The following NRG1 variants were observed in gnomAD, a reference collection of about 807,000 sequenced individuals.
The protein encoded by NRG1 is neuregulin 1.
In NRG1, 18 loss-of-function variants were observed where a neutral mutation model predicts 63.8. The observed-to-expected ratio is 0.28, with a 90% CI of 0.19 to 0.42. The LOEUF is 0.42. Ranked by LOEUF, NRG1 falls within the 10% of genes least tolerant of loss-of-function variation. The probability of loss-of-function intolerance (pLI) is 1.00; values close to 1 mark genes in which losing one functional copy is unlikely to be tolerated. For missense variants in NRG1, 762 were observed against 814.7 expected (o/e 0.94, Z 0.79); for synonymous variants, 302 against 301.3 (o/e 1.00, Z -0.02).
intron 1 of NRG1, among the ~76,000 whole-genome samples, chr8:31,891,613 A>C (rs577307087): frequency 9.8e-5 from 15 of 152,306 alleles, no homozygotes; most frequent in African/African-American, 3.6e-4. Flanking sequence ...CTACCATATG[A>C]CCCAGCAATT....
At chr8:32,619,225 T>TCAAA (rs935632664) in intron 5 of NRG1, among the ~76,000 whole-genome samples, 1 of 151,784 alleles carries the variant, frequency 6.6e-6, no homozygotes, top group East Asian at 1.9e-4. Context: ...AGAAAAACAA[T>TCAAA]CAAACAAACA....
At chr8:32,310,281 T>C (rs2129475887) in intron 1 of NRG1, among the ~76,000 whole-genome samples, 1 of 152,370 alleles carries the variant, frequency 6.6e-6, no homozygotes, top group Middle Eastern at 3.4e-3. Context: ...AACAAAAGTT[T>C]GATCTGATAT....
intron 1 of NRG1, among the ~76,000 whole-genome samples, chr8:31,676,062 T>A (rs13274954): frequency 0.24 from 36,233 of 152,046 alleles, 4,492 homozygotes; most frequent in Admixed American, 0.27. Flanking sequence ...TTTCTAGGGC[T>A]TATTTCCATC....
intron 5 of NRG1, among the ~76,000 whole-genome samples, chr8:32,651,432 T>TTGTC (rs536696917): frequency 2.6e-3 from 397 of 152,316 alleles, no homozygotes; most frequent in African/African-American, 9.4e-3. Context: ...TTCATTTGTT[T>TTGTC]TGTCTGGGCT....
intron 1 of NRG1, among the ~76,000 whole-genome samples, chr8:31,933,534 A>G (rs1251225081): frequency 6.6e-6 from 1 of 152,160 alleles, no homozygotes; most frequent in Non-Finnish European, 1.5e-5. Context: ...CACTCGCCTC[A>G]GCCTTCCAAA....
intron 1 of NRG1, among the ~76,000 whole-genome samples, chr8:32,514,270 T>G (rs1348116198): frequency 6.6e-6 from 1 of 152,128 alleles, no homozygotes; most frequent in Non-Finnish European, 1.5e-5. Context: ...TTACATTTGG[T>G]TTCTGCTATT....
At chr8:32,150,666 G>A (rs1462483303) in intron 1 of NRG1, among the ~76,000 whole-genome samples, 2 of 152,104 alleles carry the variant, frequency 1.3e-5, no homozygotes, top group African/African-American at 4.8e-5. Flanking sequence ...AGTCTAAGAA[G>A]TTTTGTTATA....
chr8:32,662,449 C>T (rs1803110645), intron 5 of NRG1, among the ~76,000 whole-genome samples: 1 of 152,090 alleles, frequency 6.6e-6, no homozygotes, highest in African/African-American at 2.4e-5. Flanking sequence ...AGAATGATGG[C>T]TTTTCCACCG....
At chr8:32,316,750 A>G (rs1857441431) in intron 1 of NRG1, among the ~76,000 whole-genome samples, 1 of 152,158 alleles carries the variant, frequency 6.6e-6, no homozygotes, top group Non-Finnish European at 1.5e-5. Flanking sequence ...TGCAATTAAC[A>G]GATCTCCTCT....
rs555824251 is a variant in NRG1, at chr8:32,152,613, C to A, written c.38-443215C>A. Among the ~76,000 whole-genome samples the A allele has an allele frequency of 2.0e-5, 3 of 152,184 alleles. No homozygotes were observed. The East Asian group carries it at 5.8e-4, about 29-fold the overall frequency. On this transcript the variant is annotated intron_variant, in intron 1 of 10. Transcript: ENST00000519301. ...TACTAAACTATTTCCATTAATATAGCCAGTCTCCAATTTACAGGAAGACAT... is the reference window on the plus strand; with the variant it reads ...TACTAAACTATTTCCATTAATATAGACAGTCTCCAATTTACAGGAAGACAT...
intron 1 of NRG1, among the ~76,000 whole-genome samples, chr8:32,367,311 T>C (rs1397321445): frequency 6.6e-6 from 1 of 152,208 alleles, no homozygotes; most frequent in Non-Finnish European, 1.5e-5. Flanking sequence ...ATTTATTACT[T>C]TCTGTCTTTT....
chr8:32,605,092 G>T (rs961457401), intron 2 of NRG1, among the ~76,000 whole-genome samples: 3 of 152,138 alleles, frequency 2.0e-5, no homozygotes, highest in African/African-American at 7.2e-5. Flanking sequence ...CTACTGAGAA[G>T]AAGAGTGCAC....
intron 1 of NRG1, among the ~76,000 whole-genome samples, chr8:32,403,951 C>T (rs1813584289): frequency 6.6e-6 from 1 of 152,148 alleles, no homozygotes; most frequent in Admixed American, 6.5e-5. Context: ...TGCCACCTTC[C>T]CAAGCAGGTA....
At position 31,640,025 on chromosome 8, in the gene NRG1, GC is replaced by G. The variant is rs1177628795; in HGVS notation, c.37+599del. On this transcript the variant is annotated intron_variant, in intron 1 of 10. Coordinates refer to the NRG1 transcript ENST00000519301. The surrounding 1 kb of genome is among the most constrained non-coding windows in gnomAD (Gnocchi z 6.3). The stretch of plus-strand genomic sequence containing the variant: ...GCCCCGCGCCGCTCCGGGCGTCCCG[GC>G]CCCCGGGCCCAGCGCCCCGGCTCCG... 13 of 1,137,276 alleles carry G rather than the reference GC, an allele frequency of 1.1e-5. No homozygotes were observed. Among genetic ancestry groups the G allele is most frequent in the African/African-American group, 1.6e-5 (1 of 60,660 alleles). The allele number at this position is 1,137,276 out of a possible 1,614,324, so 70.4% of individuals were successfully genotyped here.
chr8:32,563,304 G>A (rs1836807118), intron 1 of NRG1, among the ~76,000 whole-genome samples: 1 of 152,170 alleles, frequency 6.6e-6, no homozygotes, highest in African/African-American at 2.4e-5. Context: ...GTCACATAAA[G>A]TCTAGGCAAA....
At chr8:32,555,374 C>T (rs1588269600) in intron 1 of NRG1, among the ~76,000 whole-genome samples, 1 of 152,204 alleles carries the variant, frequency 6.6e-6, no homozygotes, top group Non-Finnish European at 1.5e-5. Context: ...GTTTCCTCAA[C>T]CCAGGGGCAA....
At chr8:31,730,232 G>A (rs1563336471) in intron 1 of NRG1, among the ~76,000 whole-genome samples, 2 of 152,150 alleles carry the variant, frequency 1.3e-5, no homozygotes, top group Non-Finnish European at 2.9e-5. Context: ...TAATTGTTGA[G>A]GAAGTAGTGA....
At chr8:32,705,098 G>A (rs936573886) in intron 5 of NRG1, among the ~76,000 whole-genome samples, 3 of 151,652 alleles carry the variant, frequency 2.0e-5, no homozygotes, top group Non-Finnish European at 2.9e-5. Context: ...ACAGCTTTTA[G>A]GAATAGCAAT....
At chr8:32,691,997 T>C (rs1811851595) in intron 5 of NRG1, among the ~76,000 whole-genome samples, 1 of 152,214 alleles carries the variant, frequency 6.6e-6, no homozygotes, top group Admixed American at 6.5e-5. Flanking sequence ...ACCATATATA[T>C]AAGACTGTTC....
Sources: gnomAD v4.1 joint callset for allele counts (sites outside exome capture counted in the v4.1 genomes callset) on GRCh38, gnomAD v4.1.1 for gene constraint, Gnocchi (gnomAD v3.1) non-coding constraint, MANE v1.5 for transcripts, NCBI Gene and HGNC (gene_info 2026-07-23, HGNC 2026-07-21) for gene names.